NEB: variants seen among roughly 807,000 people sequenced by gnomAD.
NEB encodes the protein nebulin.
A neutral mutation model predicts 952.2 loss-of-function variants in NEB; 512 were observed. The ratio of observed to expected loss-of-function variants is 0.54; its 90% CI spans 0.50 to 0.58. The LOEUF (loss-of-function observed/expected upper bound fraction) is 0.58, where lower values mean the gene tolerates loss of function less well. Ranked by LOEUF, NEB falls within the 20% of genes least tolerant of loss-of-function variation. NEB has a pLI of 0.00. For synonymous variants in NEB, 2,900 were observed against 3,149.8 expected (o/e 0.92, Z 2.66); for missense variants, 8,428 against 9,231.1 (o/e 0.91, Z 3.56).
intron 32 of NEB, 22 bp from the exon 33 acceptor site, chr2:151,678,209 A>G: frequency 6.7e-7 from 1 of 1,486,838 alleles, no homozygotes; most frequent in Non-Finnish European, 9.1e-7. Context: ...AAAGGTGGGC[A>G]TAATTTAAAA....
intron 12 of NEB, among the ~76,000 whole-genome samples, chr2:151,707,887 C>T (rs550432268): frequency 6.6e-6 from 1 of 152,188 alleles, no homozygotes; most frequent in Admixed American, 6.5e-5. Context: ...CAGAGCATCA[C>T]GACAGTATGC....
At chr2:151,612,753 T>C (rs2098038213) in intron 77 of NEB, among the ~76,000 whole-genome samples, 1 of 152,236 alleles carries the variant, frequency 6.6e-6, no homozygotes, top group Non-Finnish European at 1.5e-5. Context: ...TTGGCTCCTA[T>C]GTTGTTAGGC....
Position 151,655,886 on chromosome 2 carries a change from G to C in NEB, c.6633C>G (p.Phe2211Leu), listed in dbSNP as rs772386334. Residue 2211 changes from phenylalanine (F) to leucine (L), a missense_variant, in exon 50 of 182, where the codon TTC becomes TTG. Coordinates refer to ENST00000397345, the MANE Select transcript of NEB (RefSeq NM_001164508.2). The part of the protein sequence containing the change: ...DQKYRQHPSN[F>L]QFKKLTDSMD... ...TGGAATCAGTCAGCTTCTTAAACTG[G>C]AAGTTGCTCGGGTGCTGGCGGTATT... 8 of 1,613,652 alleles carry C rather than the reference G, an allele frequency of 5.0e-6. No individual in the cohort carries two copies. The highest frequency in any genetic ancestry group is 6.8e-6 in the Non-Finnish European group (8 of 1,179,792).
chr2:151,687,699 G>A lies in NEB; in HGVS notation c.2450C>T (p.Ala817Val), dbSNP rs2099513764. The A allele has an allele frequency of 6.9e-6, 11 of 1,598,338 alleles. No individual in the cohort carries two copies. Among genetic ancestry groups the A allele is most frequent in the Non-Finnish European group, 9.4e-6 (11 of 1,171,562 alleles). ...GTCCACTTTAATGTCAAACTTCTTG[G>A]CTTTGCTCTTCTCCCAGTCTTGCTT... The part of the protein sequence containing the change: ...VYKQDWEKSK[A>V]KKFDIKVDAI... The change falls in exon 26 of 182, where the codon GCC (alanine) becomes GTC (valine). Residue 817 changes from alanine to valine, a missense_variant. Ala to Val is a moderately conservative substitution (Grantham distance 64). Transcript: ENST00000397345.
intron 63 of NEB, 49 bp from the exon 64 acceptor site, chr2:151,636,383 C>CT: frequency 7.1e-7 from 1 of 1,413,420 alleles, no homozygotes; most frequent in South Asian, 1.2e-5. Context: ...TATCTAAAAA[C>CT]TGACAGAGGA....
chr2:151,630,830 A>G lies in NEB; in HGVS notation c.9619-11T>C. 6.4e-7 allele frequency: 1 copy of G among 1,563,168 alleles called. No homozygotes were observed. The highest frequency in any genetic ancestry group is 1.4e-5 in the African/African-American group (1 of 73,454). The stretch of plus-strand genomic sequence containing the variant: ...CTCTGTGTATAAACGCTATAAAAGA[A>G]GATAAGATGCTGATTAAAAATCATT... On this transcript the variant is annotated splice_polypyrimidine_tract_variant and intron_variant, in intron 66 of 181. Transcript: ENST00000397345.
At chr2:151,695,789 G>A (rs1474858077) in intron 17 of NEB, 107 bp from the exon 18 acceptor site, 12 of 804,276 alleles carry the variant, frequency 1.5e-5, no homozygotes, top group Non-Finnish European at 2.5e-5. Flanking sequence ...GAGATCAGAA[G>A]AGACATCTAG....
At chr2:151,558,090 C>T (rs937556219) in intron 124 of NEB, among the ~76,000 whole-genome samples, 6 of 152,212 alleles carry the variant, frequency 3.9e-5, no homozygotes, top group African/African-American at 7.2e-5. Context: ...TCTCTGTTTG[C>T]AGATGGCCTG....
intron 75 of NEB, among the ~76,000 whole-genome samples, chr2:151,616,609 G>C (rs1262334897): frequency 6.6e-6 from 1 of 152,144 alleles, no homozygotes; most frequent in Non-Finnish European, 1.5e-5. Flanking sequence ...CAGGAGAATT[G>C]CTTGAACCCA....
intron 10 of NEB, among the ~76,000 whole-genome samples, chr2:151,716,862 T>C (rs1454119286): frequency 6.6e-6 from 1 of 152,234 alleles, no homozygotes; most frequent in African/African-American, 2.4e-5. Context: ...ATTCATCAGC[T>C]AAGCATCTGT....
chr2:151,495,345 T>C (rs1231407544), intron 173 of NEB: 1 of 152,178 alleles, frequency 6.6e-6, no homozygotes, highest in African/African-American at 2.4e-5. Flanking sequence ...TGAGAACTTG[T>C]TAAAAATGCA....
chr2:151,650,458 C>T (rs988919803), intron 53 of NEB, 79 bp from the exon 54 acceptor site: 1 of 1,508,818 alleles, frequency 6.6e-7, no homozygotes. Context: ...GCATTACAAA[C>T]AGATGCATTT....
intron 143 of NEB, chr2:151,532,100 T>C (rs759770169): frequency 4.5e-5 from 21 of 467,614 alleles, no homozygotes; most frequent in Non-Finnish European, 6.4e-5. Flanking sequence ...TAATTTCCTT[T>C]TTTTGTTTCC....
Position 151,540,734 on chromosome 2 carries a change from A to C in NEB, c.20750T>G (p.Leu6917Trp). ...GTCCTTCACGTCTTTAGCATGCTTCAAGGCTGTGGTCTGGTTTCCAGCGTG... is the reference window on the plus strand; with the variant it reads ...GTCCTTCACGTCTTTAGCATGCTTCCAGGCTGTGGTCTGGTTTCCAGCGTG... Reference protein sequence around the residue: ...HHHAGNQTTALKHAKDVKDMV... With the variant: ...HHHAGNQTTAWKHAKDVKDMV... The change falls in exon 137 of 182, where the codon TTG becomes TGG. Residue 6917 changes from leucine (L) to tryptophan (W), a missense_variant. By Grantham distance (61) the Leu-to-Trp change is moderately conservative. Around this residue, in one of 11 missense-constraint regions of NEB, gnomAD observed 3,374 missense variants for 3,651.5 expected, o/e 0.92. Transcript: ENST00000397345. 1.9e-6 allele frequency: 3 copies of C among 1,613,644 alleles called. No individual in the cohort carries two copies. The highest frequency in any genetic ancestry group is 2.5e-6 in the Non-Finnish European group (3 of 1,179,672).
intron 145 of NEB, 72 bp from the exon 146 acceptor site, chr2:151,529,386 A>G (rs978604350): frequency 4.1e-6 from 4 of 975,702 alleles, no homozygotes; most frequent in Admixed American, 3.7e-5. Context: ...AAAACAAGAA[A>G]TTAAATCCAT....
At chr2:151,655,408 A>G in intron 50 of NEB, 34 bp from the exon 51 acceptor site, 2 of 1,272,550 alleles carry the variant, frequency 1.6e-6, no homozygotes, top group Admixed American at 2.0e-5. Flanking sequence ...TGAAATTTGA[A>G]TAACTGGGAC....
Position 151,549,703 on chromosome 2 carries a change from C to A in NEB, c.19982G>T (p.Gly6661Val). 6.3e-7 allele frequency: 1 copy of A among 1,598,868 alleles called. No individual in the cohort carries two copies. Among genetic ancestry groups the A allele is most frequent in the African/African-American group, 1.3e-5 (1 of 74,872 alleles). ...AGGAGTGTCACCTGGAAGTCTATAT[C>A]CAGTGGGCAGGGTGCGCAGGCTGGT... ...YKTSLRTLPT[G>V]YRLPGDTPHF... The change falls in exon 130 of 182, where the codon GGA (glycine) becomes GTA (valine). Residue 6661 changes from glycine to valine, a missense_variant. Around this residue, in one of 11 missense-constraint regions of NEB, gnomAD observed 3,374 missense variants for 3,651.5 expected, o/e 0.92. Coordinates refer to ENST00000397345, the MANE Select transcript of NEB (RefSeq NM_001164508.2).
intron 75 of NEB, among the ~76,000 whole-genome samples, 171 bp from the exon 76 acceptor site, chr2:151,616,280 A>C (rs2098190803): frequency 6.6e-6 from 1 of 152,144 alleles, no homozygotes; most frequent in South Asian, 2.1e-4. Flanking sequence ...TTTAAGGCAC[A>C]TGTTCCAAAC....
At chr2:151,546,268 G>C in intron 134 of NEB, 77 bp downstream of exon 134, 3 of 1,157,678 alleles carry the variant, frequency 2.6e-6, no homozygotes, top group South Asian at 1.4e-5. Context: ...GATCCCTTCT[G>C]CCTAGCCCTG....
Sources: allele counts gnomAD v4.1 joint callset (sites outside exome capture counted in the v4.1 genomes callset), GRCh38; gene constraint gnomAD v4.1.1; regional missense constraint gnomAD v4.1.1; transcripts MANE v1.5; gene names NCBI Gene and HGNC (gene_info 2026-07-23, HGNC 2026-07-21).